PDE1A: variants seen among roughly 807,000 people sequenced by gnomAD.
The protein encoded by PDE1A is phosphodiesterase 1A.
In PDE1A, 35 loss-of-function variants were observed where a neutral mutation model predicts 61.7. The ratio of observed to expected loss-of-function variants is 0.57; its 90% CI spans 0.43 to 0.75. PDE1A has a LOEUF of 0.75. Ranked by LOEUF, PDE1A falls within the 30% of genes least tolerant of loss-of-function variation. The probability of loss-of-function intolerance (pLI) is 0.00; values close to 1 mark genes in which losing one functional copy is unlikely to be tolerated. For synonymous variants in PDE1A, 232 were observed against 213.2 expected (o/e 1.09, Z -0.77); for missense variants, 597 against 630.6 (o/e 0.95, Z 0.57).
chr2:182,386,829 C>T (rs1456237705), intron 1 of PDE1A, among the ~76,000 whole-genome samples: 17 of 150,944 alleles, frequency 1.1e-4, no homozygotes, highest in African/African-American at 3.2e-4. Flanking sequence ...GCCGCCGCCC[C>T]GTCTGGGAGG....
chr2:182,231,472 A>G (rs1689573921), intron 4 of PDE1A, among the ~76,000 whole-genome samples: 1 of 152,248 alleles, frequency 6.6e-6, no homozygotes, highest in African/African-American at 2.4e-5. Context: ...AATTTAGGGT[A>G]GAATTGCTAG....
chr2:182,241,809 G>A, intron 2 of PDE1A: 1 of 1,519,746 alleles, frequency 6.6e-7, no homozygotes, highest in Non-Finnish European at 8.8e-7. Context: ...TACTCTATAT[G>A]ATTTTTAACT....
At chr2:182,401,294 T>A (rs887186831) in intron 1 of PDE1A, among the ~76,000 whole-genome samples, 1 of 152,132 alleles carries the variant, frequency 6.6e-6, no homozygotes, top group African/African-American at 2.4e-5. Flanking sequence ...GCAAACCGAA[T>A]CCAGCAGACG....
chr2:182,176,401 A>G (rs1692789679), intron 13 of PDE1A, among the ~76,000 whole-genome samples: 1 of 148,358 alleles, frequency 6.7e-6, no homozygotes, highest in Non-Finnish European at 1.5e-5. Context: ...GGTCCTTCAC[A>G]TCCCTTGTAA....
the PDE1A span, among the ~76,000 whole-genome samples, chr2:182,662,209 A>G: frequency 0.69 from 103,405 of 150,710 alleles, 35,853 homozygotes; most frequent in Middle Eastern, 0.76. Context: ...ATATTGCACC[A>G]TAAAGAGAAG....
chr2:182,562,130 G>A, the PDE1A span, among the ~76,000 whole-genome samples: 7 of 152,026 alleles, frequency 4.6e-5, no homozygotes, highest in South Asian at 1.5e-3. Flanking sequence ...TCCCTGTCTT[G>A]TGCCAGTTTT....
intron 1 of PDE1A, among the ~76,000 whole-genome samples, chr2:182,387,783 A>G (rs1701201618): frequency 6.6e-6 from 1 of 152,076 alleles, no homozygotes; most frequent in South Asian, 2.1e-4. Context: ...AGAAAAAAGA[A>G]AGAAAGAATC....
downstream of PDE1A, among the ~76,000 whole-genome samples, chr2:182,165,850 T>A (rs1304083306): frequency 6.6e-6 from 1 of 152,208 alleles, no homozygotes; most frequent in Non-Finnish European, 1.5e-5. Flanking sequence ...ATCTTTGTTT[T>A]CTCTTTTTCC....
intron 1 of PDE1A, among the ~76,000 whole-genome samples, chr2:182,309,428 G>A (rs886198871): frequency 6.6e-6 from 1 of 151,826 alleles, no homozygotes; most frequent in Non-Finnish European, 1.5e-5. Context: ...CTCCATTTCT[G>A]CCAATAAAAT....
chr2:182,711,344 G>T, the PDE1A span, among the ~76,000 whole-genome samples: 1 of 152,076 alleles, frequency 6.6e-6, no homozygotes, highest in African/African-American at 2.4e-5. Context: ...CTTACTGTCA[G>T]ACAGAAGAGC....
At chr2:182,597,563 A>G in the PDE1A span, among the ~76,000 whole-genome samples, 114 of 152,320 alleles carry the variant, frequency 7.5e-4, no homozygotes, top group African/African-American at 2.6e-3. Flanking sequence ...TAAAGAAAGT[A>G]AAGAATACAG....
chr2:182,668,647 T>C, the PDE1A span, among the ~76,000 whole-genome samples: 1 of 152,068 alleles, frequency 6.6e-6, no homozygotes, highest in East Asian at 1.9e-4. Flanking sequence ...AATATGGCTT[T>C]ATTCTCTCTC....
At chr2:182,311,988 T>C (rs961548246) in intron 1 of PDE1A, among the ~76,000 whole-genome samples, 1 of 152,160 alleles carries the variant, frequency 6.6e-6, no homozygotes, top group African/African-American at 2.4e-5. Context: ...TGTGTAGTGG[T>C]ATCTCACTGC....
chr2:182,548,880 G>T, the PDE1A span, among the ~76,000 whole-genome samples: 1 of 152,130 alleles, frequency 6.6e-6, no homozygotes, highest in African/African-American at 2.4e-5. Flanking sequence ...CAGTCCTAAA[G>T]AATGTTCCAT....
chr2:182,438,917 A>C (rs959977938), intron 2 of PDE1A, among the ~76,000 whole-genome samples: 1 of 152,036 alleles, frequency 6.6e-6, no homozygotes, highest in African/African-American at 2.4e-5. Context: ...GTATGGGTAT[A>C]GGGATATCAG....
chr2:182,242,853 C>A (rs1381871200), intron 2 of PDE1A, among the ~76,000 whole-genome samples: 1 of 151,350 alleles, frequency 6.6e-6, no homozygotes, highest in African/African-American at 2.4e-5. Flanking sequence ...AAATACGTAT[C>A]TCGCTCTCTC....
At chr2:182,608,454 G>T in the PDE1A span, among the ~76,000 whole-genome samples, 1 of 152,204 alleles carries the variant, frequency 6.6e-6, no homozygotes, top group Non-Finnish European at 1.5e-5. Flanking sequence ...GCGAGGAGAT[G>T]TGGAGGGAGA....
chr2:182,302,988 C>T (rs1695343411), intron 1 of PDE1A, among the ~76,000 whole-genome samples: 1 of 152,198 alleles, frequency 6.6e-6, no homozygotes, highest in Admixed American at 6.5e-5. Flanking sequence ...CATCTTCAGG[C>T]TCTACTTCTA....
At chr2:182,228,257 G>A (rs554004296) in intron 6 of PDE1A, among the ~76,000 whole-genome samples, 11 of 152,174 alleles carry the variant, frequency 7.2e-5, no homozygotes, top group Admixed American at 2.0e-4. Flanking sequence ...ACTTGAGGGC[G>A]TCCCTTATGA....
Sources: gnomAD v4.1 joint callset for allele counts (sites outside exome capture counted in the v4.1 genomes callset) on GRCh38, gnomAD v4.1.1 for gene constraint, MANE v1.5 for transcripts, NCBI Gene and HGNC (gene_info 2026-07-23, HGNC 2026-07-21) for gene names.